Variants in ATOH8 observed in about 807,000 individuals in gnomAD.
ATOH8 encodes atonal bHLH transcription factor 8, also known as transcription factor ATOH8.
A neutral mutation model predicts 21.2 loss-of-function variants in ATOH8; 9 were observed. That is an observed-to-expected ratio of 0.42 (90% CI 0.26 to 0.74). The LOEUF (loss-of-function observed/expected upper bound fraction) is 0.74, where lower values mean the gene tolerates loss of function less well. ATOH8 is among the 30% of genes least tolerant of loss of function. ATOH8 has a pLI of 0.24. For missense variants in ATOH8, 524 were observed against 470.9 expected (o/e 1.11, Z -1.04); for synonymous variants, 253 against 224.0 (o/e 1.13, Z -1.16).
intron 2 of ATOH8, among the ~76,000 whole-genome samples, chr2:85,782,694 G>A (rs1020381315): frequency 6.6e-6 from 1 of 152,116 alleles, no homozygotes; most frequent in Non-Finnish European, 1.5e-5. Context: ...TGTTGTTGTT[G>A]TTGTTGTTTT....
In ATOH8 at chr2:85,790,001, T is replaced by C. The variant is rs1680726000; in HGVS notation, c.*3111T>C. On this transcript the variant is annotated 3_prime_UTR_variant, in exon 3 of 3. Transcript: ENST00000306279. ...CACACTCGTGTACATTTCCAGAAAA[T>C]GGAATTACATTTCAGATAGATTCAG... 6.6e-6 allele frequency among the ~76,000 whole-genome samples: 1 copy of C among 152,142 alleles called. No homozygotes were observed. The highest frequency in any genetic ancestry group is 2.4e-5 in the African/African-American group (1 of 41,412).
At chr2:85,774,030 C>T in intron 2 of ATOH8, 1 of 939,584 alleles carries the variant, frequency 1.1e-6, no homozygotes, top group Non-Finnish European at 1.3e-6. Context: ...CCTCAGGACC[C>T]TGATTAGTTA....
At position 85,790,017 on chromosome 2, in the gene ATOH8, A is replaced by G. The variant is rs1213442048; in HGVS notation, c.*3127A>G. On this transcript the variant is annotated 3_prime_UTR_variant, in exon 3 of 3. Coordinates refer to ENST00000306279, the MANE Select transcript of ATOH8 (RefSeq NM_032827.7). The stretch of plus-strand genomic sequence containing the variant: ...TCCAGAAAATGGAATTACATTTCAG[A>G]TAGATTCAGATTCCAACGGCAGTCT... 1.3e-5 allele frequency among the ~76,000 whole-genome samples: 2 copies of G among 152,240 alleles called. No homozygotes were observed. Among genetic ancestry groups the G allele is most frequent in the African/African-American group, 2.4e-5 (1 of 41,464 alleles).
In ATOH8 at chr2:85,766,620, G is replaced by A. The variant is rs879513812; in HGVS notation, c.960+2438G>A. Among the ~76,000 whole-genome samples the A allele has an allele frequency of 6.6e-6, 1 of 152,244 alleles. No individual in the cohort carries two copies. Among genetic ancestry groups the A allele is most frequent in the Non-Finnish European group, 1.5e-5 (1 of 68,022 alleles). ...GCCCCTTCCATAGTTTTATCTGGAC[G>A]ACCAGGATTTGACACGGCAGCCTTT... On this transcript the variant is annotated intron_variant, in intron 2 of 2. Coordinates refer to ENST00000306279, the MANE Select transcript of ATOH8 (RefSeq NM_032827.7). This position sits in a 1 kb window ranked among gnomAD's most constrained non-coding sequence, Gnocchi z 4.0.
chr2:85,781,405 A>G lies in ATOH8; in HGVS notation c.961-5480A>G, dbSNP rs1190606295. On this transcript the variant is annotated intron_variant, in intron 2 of 2. Transcript: ENST00000306279. Reference sequence around the variant, plus strand: ...AACATGGTGAAACCCCGTCTCTACTAAAAATACAAAAATTAACCGGGTGTG... The same window carrying G: ...AACATGGTGAAACCCCGTCTCTACTGAAAATACAAAAATTAACCGGGTGTG... Among the ~76,000 whole-genome samples the G allele has an allele frequency of 2.0e-5, 3 of 151,858 alleles. No homozygotes were observed. The East Asian group carries it at 5.8e-4, about 29-fold the overall frequency.
At chr2:85,776,565 A>G (rs1435063401) in intron 2 of ATOH8, among the ~76,000 whole-genome samples, 1 of 152,098 alleles carries the variant, frequency 6.6e-6, no homozygotes, top group Non-Finnish European at 1.5e-5. Context: ...GCATGCACAC[A>G]CGCAGGTGTG....
chr2:85,755,427 C>T (rs1016598803), intron 1 of ATOH8, among the ~76,000 whole-genome samples: 1 of 152,138 alleles, frequency 6.6e-6, no homozygotes, highest in African/African-American at 2.4e-5. Context: ...CGGTGATGCC[C>T]CGAACACTCA....
intron 2 of ATOH8, among the ~76,000 whole-genome samples, chr2:85,769,405 GC>G (rs1680117579): frequency 4.6e-5 from 7 of 152,340 alleles, no homozygotes; most frequent in Admixed American, 4.6e-4. Context: ...TGTGCCTGCA[GC>G]CGTGTGCCAG....
chr2:85,782,913 C>T lies in ATOH8; in HGVS notation c.961-3972C>T, dbSNP rs760005411. On this transcript the variant is annotated intron_variant, in intron 2 of 2. Coordinates refer to ENST00000306279, the MANE Select transcript of ATOH8 (RefSeq NM_032827.7). ...GTTTTGCCATGTTGGCCAGACTGGT[C>T]TCGAACTCCTGACCTCAACAGATCC... is the stretch of plus-strand genomic sequence containing the variant. Among the ~76,000 whole-genome samples, 3 of 152,202 alleles carry T rather than the reference C, an allele frequency of 2.0e-5. No homozygotes were observed. The East Asian group carries it at 5.8e-4, about 29-fold the overall frequency.
intron 2 of ATOH8, among the ~76,000 whole-genome samples, chr2:85,769,936 A>G (rs1226639489): frequency 1.3e-5 from 2 of 152,198 alleles, no homozygotes; most frequent in Non-Finnish European, 2.9e-5. Context: ...AGGAGCTGTC[A>G]TAAGTGATTT....
Position 85,787,998 on chromosome 2 carries a change from A to G in ATOH8, c.*1108A>G, listed in dbSNP as rs13402783. ...GCCCCTTCCTTGTGCTCAAATGGCC[A>G]AAGCTGTTCACGTCTGTGCTCAACC... On this transcript the variant is annotated 3_prime_UTR_variant, in exon 3 of 3. Coordinates refer to ENST00000306279, the MANE Select transcript of ATOH8 (RefSeq NM_032827.7). The G allele has an allele frequency of 0.089, 13,661 of 152,780 alleles. 683 individuals carry two copies. The highest frequency in any genetic ancestry group is 0.25 in the South Asian group (1,218 of 4,822). 9.5% of individuals were successfully genotyped at this position (152,780 alleles called of 1,614,324 possible).
At chr2:85,776,901 C>T (rs1164391620) in intron 2 of ATOH8, among the ~76,000 whole-genome samples, 5 of 152,118 alleles carry the variant, frequency 3.3e-5, no homozygotes, top group African/African-American at 1.2e-4. Context: ...CTGTGCCTCC[C>T]GCCTCGCTTT....
intron 2 of ATOH8, chr2:85,774,787 C>T: frequency 1.0e-5 from 10 of 984,980 alleles, no homozygotes; most frequent in Non-Finnish European, 1.2e-5. Flanking sequence ...TCCCAATTTA[C>T]ACCCCAGCAG....
chr2:85,755,190 CG>C (rs1007996679), intron 1 of ATOH8, among the ~76,000 whole-genome samples: 3 of 152,228 alleles, frequency 2.0e-5, no homozygotes, highest in African/African-American at 7.2e-5. Flanking sequence ...ACCCCCGCCT[CG>C]GGGGTAACGC....
At chr2:85,759,540 A>G (rs1314330687) in intron 1 of ATOH8, among the ~76,000 whole-genome samples, 1 of 152,152 alleles carries the variant, frequency 6.6e-6, no homozygotes, top group African/African-American at 2.4e-5. Flanking sequence ...CCCTGGGGCT[A>G]TAGCTCTTAA....
chr2:85,785,908 G>A lies in ATOH8; in HGVS notation c.961-977G>A, dbSNP rs1020882497. Among the ~76,000 whole-genome samples, 7 of 152,192 alleles carry A rather than the reference G, an allele frequency of 4.6e-5. No homozygotes were observed. The highest frequency in any genetic ancestry group is 7.3e-5 in the Non-Finnish European group (5 of 68,038). On this transcript the variant is annotated intron_variant, in intron 2 of 2. Coordinates refer to ENST00000306279, the MANE Select transcript of ATOH8 (RefSeq NM_032827.7). This position sits in a 1 kb window ranked among gnomAD's most constrained non-coding sequence, Gnocchi z 4.1. ...AGAGGGTTATGTTGTACCAGGTTCA[G>A]GGACTTTGTTATTTTTCATCCTGGG... is the stretch of plus-strand genomic sequence containing the variant.
In ATOH8 at chr2:85,788,668, C is replaced by T. The variant is rs1469480122; in HGVS notation, c.*1778C>T. On this transcript the variant is annotated 3_prime_UTR_variant, in exon 3 of 3. Coordinates refer to ENST00000306279, the MANE Select transcript of ATOH8 (RefSeq NM_032827.7). ...CAAGGAAAGGGGGATAGGAGGGGACCGGAGGCTGCAGCCATACAGGACACA... is the reference window on the plus strand; with the variant it reads ...CAAGGAAAGGGGGATAGGAGGGGACTGGAGGCTGCAGCCATACAGGACACA... 3.9e-5 allele frequency among the ~76,000 whole-genome samples: 6 copies of T among 152,146 alleles called. No homozygotes were observed. Among genetic ancestry groups the T allele is most frequent in the East Asian group, 1.9e-4 (1 of 5,186 alleles).
chr2:85,763,883 A>C, intron 1 of ATOH8, 108 bp from the exon 2 acceptor site: 1 of 970,646 alleles, frequency 1.0e-6, no homozygotes, highest in Non-Finnish European at 1.5e-6. Flanking sequence ...AGAGCAGATC[A>C]TAAGATTAGG....
intron 2 of ATOH8, among the ~76,000 whole-genome samples, chr2:85,772,315 C>A (rs1383640993): frequency 2.6e-5 from 4 of 152,208 alleles, no homozygotes; most frequent in Non-Finnish European, 5.9e-5. Context: ...CCCATTCGGG[C>A]GCTGTGGTTT....
Sources: gnomAD v4.1 joint callset for allele counts (sites outside exome capture counted in the v4.1 genomes callset) on GRCh38, gnomAD v4.1.1 for gene constraint, Gnocchi (gnomAD v3.1) non-coding constraint, MANE v1.5 for transcripts, NCBI Gene and HGNC (gene_info 2026-07-23, HGNC 2026-07-21) for gene names.